The following SMCO2 variants were observed in gnomAD, a reference collection of about 807,000 sequenced individuals.
SMCO2 encodes single-pass membrane and coiled-coil domain-containing protein 2.
Under a neutral mutation model 29.5 loss-of-function variants are expected in SMCO2, and 25 were observed. The ratio of observed to expected loss-of-function variants is 0.85; its 90% CI spans 0.62 to 1.18. The LOEUF (loss-of-function observed/expected upper bound fraction) is 1.18, where lower values mean the gene tolerates loss of function less well. SMCO2 is among the 50% of genes most tolerant of loss of function. The probability of loss-of-function intolerance (pLI) is 0.00; values close to 1 mark genes in which losing one functional copy is unlikely to be tolerated. For synonymous variants in SMCO2, 117 were observed against 123.3 expected (o/e 0.95, Z 0.34); for missense variants, 348 against 344.5 (o/e 1.01, Z -0.08).
upstream of SMCO2, among the ~76,000 whole-genome samples, chr12:27,463,888 A>T (rs920002126): frequency 5.3e-5 from 8 of 152,122 alleles, no homozygotes; most frequent in African/African-American, 1.9e-4. Context: ...AGAGTGAAGA[A>T]ATCATTTTTT....
chr12:27,482,216 A>G lies in SMCO2; in HGVS notation c.363-6244A>G, dbSNP rs1201176826. Among the ~76,000 whole-genome samples the G allele has an allele frequency of 2.6e-5, 4 of 152,114 alleles. 1 individual carries two copies. The highest frequency in any genetic ancestry group is 5.9e-5 in the Non-Finnish European group (4 of 68,022). ...TTTTATATATTGTGTTTTCATTTTC[A>G]ATCAGCTCAGAATACATTCTAATGT... On this transcript the variant is annotated intron_variant, in intron 4 of 7. Coordinates refer to ENST00000298876, the Ensembl canonical transcript of SMCO2.
At chr12:27,478,519 G>A (rs1306501313) in intron 4 of SMCO2, among the ~76,000 whole-genome samples, 1 of 152,200 alleles carries the variant, frequency 6.6e-6, no homozygotes, top group Non-Finnish European at 1.5e-5. Context: ...TGGATTCCCA[G>A]GCAGCATGTG....
At chr12:27,491,354 T>C (rs750037222) in intron 5 of SMCO2, among the ~76,000 whole-genome samples, 1 of 119,202 alleles carries the variant, frequency 8.4e-6, no homozygotes, top group Non-Finnish European at 1.6e-5. Flanking sequence ...CACTTTCTAA[T>C]AGAATTTCCA....
intron 4 of SMCO2, among the ~76,000 whole-genome samples, chr12:27,480,347 C>T (rs1234222057): frequency 6.6e-6 from 1 of 152,140 alleles, no homozygotes; most frequent in Non-Finnish European, 1.5e-5. Flanking sequence ...ACAGACACAC[C>T]CAGGAACAAT....
intron 6 of SMCO2, 44 bp downstream of exon 7, chr12:27,494,400 A>C: frequency 7.1e-7 from 1 of 1,404,698 alleles, no homozygotes; most frequent in African/African-American, 1.5e-5. Context: ...AAAATCAGAT[A>C]ATTTATGTCT....
At chr12:27,447,413 A>G in the SMCO2 span, among the ~76,000 whole-genome samples, 1 of 151,792 alleles carries the variant, frequency 6.6e-6, no homozygotes, top group South Asian at 2.1e-4. Context: ...CCTTACTACT[A>G]ACAGGGTGAT....
exon 8 of SMCO2, chr12:27,501,980 A>C: frequency 9.0e-6 from 14 of 1,547,650 alleles, no homozygotes; most frequent in Non-Finnish European, 1.0e-5. Context: ...CTGGACTTTT[A>C]TGTTACATAC....
chr12:27,472,727 T>C (rs1305676925), intron 2 of SMCO2, 49 bp from the exon 3 acceptor site: 3 of 1,442,756 alleles, frequency 2.1e-6, no homozygotes, highest in Admixed American at 2.0e-5. Context: ...GCCCAAGCTC[T>C]GGCCCAAAGG....
chr12:27,477,779 T>C (rs1215251757), intron 4 of SMCO2, among the ~76,000 whole-genome samples: 1 of 152,078 alleles, frequency 6.6e-6, no homozygotes, highest in Non-Finnish European at 1.5e-5. Flanking sequence ...AGTCTCAGAA[T>C]TTCTGTTTGA....
intron 7 of SMCO2, among the ~76,000 whole-genome samples, chr12:27,496,645 C>T (rs2135579229): frequency 1.3e-5 from 2 of 150,714 alleles, no homozygotes; most frequent in African/African-American, 5.0e-5. Flanking sequence ...TCTAAGAAAA[C>T]ATTTTTGATT....
At chr12:27,494,010 A>G in intron 5 of SMCO2, 1 of 186,118 alleles carries the variant, frequency 5.4e-6, no homozygotes, top group Non-Finnish European at 1.1e-5. Context: ...TTAAGGAGCA[A>G]GGAAGGAGTA....
upstream of SMCO2, among the ~76,000 whole-genome samples, chr12:27,464,897 C>T (rs372524522): frequency 4.0e-5 from 6 of 150,440 alleles, no homozygotes; most frequent in South Asian, 2.1e-4. Flanking sequence ...GGCATGGTGG[C>T]GGGTGCCTGT....
intron 3 of SMCO2, among the ~76,000 whole-genome samples, chr12:27,473,677 A>G (rs529938681): frequency 5.9e-5 from 9 of 152,342 alleles, no homozygotes; most frequent in Non-Finnish European, 1.0e-4. Flanking sequence ...GTAAAGAGTT[A>G]CATGAATGTT....
the SMCO2 span, among the ~76,000 whole-genome samples, chr12:27,460,796 A>T: frequency 6.6e-6 from 1 of 152,226 alleles, no homozygotes; most frequent in African/African-American, 2.4e-5. Context: ...AGGAAAGGAA[A>T]TGAGACTCAC....
At chr12:27,425,822 A>G in the SMCO2 span, among the ~76,000 whole-genome samples, 2 of 152,112 alleles carry the variant, frequency 1.3e-5, no homozygotes, top group Non-Finnish European at 2.9e-5. Flanking sequence ...ATAAGGTTCT[A>G]TTGTCCCTTC....
the SMCO2 span, among the ~76,000 whole-genome samples, chr12:27,435,303 G>T: frequency 4.1e-3 from 12 of 2,910 alleles, 3 homozygotes; most frequent in African/African-American, 6.6e-3. Flanking sequence ...CCCCCCCCCC[G>T]GCAATTGTGA....
At chr12:27,432,646 C>T in the SMCO2 span, among the ~76,000 whole-genome samples, 1 of 152,176 alleles carries the variant, frequency 6.6e-6, no homozygotes, top group South Asian at 2.1e-4. Flanking sequence ...TTGTTGAACC[C>T]AAAGTGGGCT....
intron 4 of SMCO2, among the ~76,000 whole-genome samples, chr12:27,486,589 A>C (rs956227578): frequency 2.0e-5 from 3 of 152,202 alleles, no homozygotes; most frequent in African/African-American, 7.2e-5. Context: ...CAAAACATTA[A>C]AAACATTCTA....
At chr12:27,472,697 T>C (rs1221452579) in intron 2 of SMCO2, 79 bp from the exon 3 acceptor site, 7 of 1,050,672 alleles carry the variant, frequency 6.7e-6, no homozygotes, top group Non-Finnish European at 9.8e-6. Context: ...GTGTTCTCCC[T>C]TTAGAAAGGA....
Sources: allele counts gnomAD v4.1 joint callset (sites outside exome capture counted in the v4.1 genomes callset), GRCh38; gene constraint gnomAD v4.1.1; transcripts MANE v1.5; gene names NCBI Gene and HGNC (gene_info 2026-07-23, HGNC 2026-07-21).